PKNOX2: variants seen among roughly 807,000 people sequenced by gnomAD.
PKNOX2 encodes the protein PBX/knotted 1 homeobox 2.
Under a neutral mutation model 53.1 loss-of-function variants are expected in PKNOX2, and 14 were observed. That is an observed-to-expected ratio of 0.26 (90% CI 0.17 to 0.41). The LOEUF (loss-of-function observed/expected upper bound fraction) is 0.41, where lower values mean the gene tolerates loss of function less well. Ranked by LOEUF, PKNOX2 falls within the 10% of genes least tolerant of loss-of-function variation. The pLI is 1.00. For synonymous variants in PKNOX2, 257 were observed against 242.8 expected (o/e 1.06, Z -0.54); for missense variants, 496 against 602.8 (o/e 0.82, Z 1.85).
At position 125,410,302 on chromosome 11, in the gene PKNOX2, C is replaced by T; in HGVS notation, c.695C>T (p.Thr232Ile). 6.2e-7 allele frequency: 1 copy of T among 1,614,084 alleles called. No individual in the cohort carries two copies. The highest frequency in any genetic ancestry group is 1.6e-4 in the Middle Eastern group (1 of 6,062). The change falls in exon 8 of 13, where the codon ACC becomes ATC. Residue 232 changes from threonine (T) to isoleucine (I), a missense_variant. Around this residue, in one of 5 missense-constraint regions of PKNOX2, gnomAD observed 141 missense variants for 143.9 expected, o/e 0.98. Transcript: ENST00000298282. ...ALQQGNIAMT[T>I]VNSQVVSGGA... is the part of the protein sequence containing the mutation. ...CAGCAGGGCAACATCGCCATGACAA[C>T]CGTCAACTCACAAGTTGTGTCAGGT...
chr11:125,412,269 T>A (rs1955607709), intron 10 of PKNOX2, among the ~76,000 whole-genome samples: 1 of 152,132 alleles, frequency 6.6e-6, no homozygotes, highest in Admixed American at 6.5e-5. Flanking sequence ...CATGGAAGAA[T>A]GTGTTGACTC....
intron 1 of PKNOX2, among the ~76,000 whole-genome samples, chr11:125,204,992 C>T (rs1055214545): frequency 6.6e-6 from 1 of 152,246 alleles, no homozygotes; most frequent in Admixed American, 6.5e-5. Context: ...GCATTGCGCA[C>T]AGTGGTTGTT....
intron 4 of PKNOX2, among the ~76,000 whole-genome samples, chr11:125,364,132 C>T (rs114497274): frequency 0.012 from 1,877 of 152,340 alleles, 52 homozygotes; most frequent in African/African-American, 0.042. Context: ...CTATCCCCAT[C>T]CTCCTGGCCC....
intron 1 of PKNOX2, among the ~76,000 whole-genome samples, chr11:125,213,864 C>T (rs1412684971): frequency 6.6e-6 from 1 of 152,034 alleles, no homozygotes; most frequent in Non-Finnish European, 1.5e-5. Flanking sequence ...AGGAAAAAAG[C>T]CCCAAACCAC....
chr11:125,308,313 C>T (rs1948592986), intron 2 of PKNOX2, among the ~76,000 whole-genome samples: 1 of 152,184 alleles, frequency 6.6e-6, no homozygotes, highest in Non-Finnish European at 1.5e-5. Context: ...TGCCTCGGAG[C>T]TCAGGAGGAA....
chr11:125,369,274 C>T (rs547075191), intron 5 of PKNOX2, among the ~76,000 whole-genome samples: 1 of 152,356 alleles, frequency 6.6e-6, no homozygotes, highest in South Asian at 2.1e-4. Context: ...CTGTGCCCTG[C>T]CCTGTGAAAC....
At chr11:125,358,953 C>A (rs1951768781) in intron 4 of PKNOX2, among the ~76,000 whole-genome samples, 1 of 152,164 alleles carries the variant, frequency 6.6e-6, no homozygotes, top group Non-Finnish European at 1.5e-5. Context: ...GGCAGGAGTC[C>A]AGTCTTCTGC....
chr11:125,174,210 AG>A (rs1955533467), intron 1 of PKNOX2, among the ~76,000 whole-genome samples: 1 of 152,148 alleles, frequency 6.6e-6, no homozygotes, highest in Non-Finnish European at 1.5e-5. Context: ...CCCCGGGCCC[AG>A]GGGCGACAGG....
chr11:125,188,181 G>A (rs1170429751), intron 1 of PKNOX2: 1 of 152,184 alleles, frequency 6.6e-6, no homozygotes, highest in Non-Finnish European at 1.5e-5. Flanking sequence ...AGGAAGTTAG[G>A]TGTATGTGGT....
rs76532514 is a variant in PKNOX2, at chr11:125,358,685, C to T, written c.87+7293C>T. ...CCTCTTTGAGCTACACTGGGCTGTC[C>T]GGCTCTGATGCCGGCCCTTCCTCTC... On this transcript the variant is annotated intron_variant, in intron 4 of 12. Transcript: ENST00000298282. Among the ~76,000 whole-genome samples the T allele has an allele frequency of 4.6e-5, 7 of 152,340 alleles. No individual in the cohort carries two copies. The East Asian group carries it at 5.8e-4, about 13-fold the overall frequency.
chr11:125,214,322 C>T (rs1940226855), intron 1 of PKNOX2, among the ~76,000 whole-genome samples: 1 of 152,006 alleles, frequency 6.6e-6, no homozygotes, highest in African/African-American at 2.4e-5. Context: ...CTGGCATTTC[C>T]TCTTCTGATT....
At chr11:125,235,773 T>C (rs1942624991) in intron 2 of PKNOX2, among the ~76,000 whole-genome samples, 1 of 152,196 alleles carries the variant, frequency 6.6e-6, no homozygotes, top group Admixed American at 6.5e-5. Context: ...TCACACACGC[T>C]GCCCCTGCCT....
intron 3 of PKNOX2, among the ~76,000 whole-genome samples, chr11:125,341,049 CA>C (rs58556639): frequency 0.018 from 824 of 46,064 alleles, 6 homozygotes; most frequent in South Asian, 0.051. Context: ...GACTCCATCT[CA>C]AAAAAAAAAA....
intron 3 of PKNOX2, among the ~76,000 whole-genome samples, chr11:125,340,552 G>C (rs1950629113): frequency 6.6e-6 from 1 of 152,210 alleles, no homozygotes; most frequent in East Asian, 1.9e-4. Flanking sequence ...TTAAGGAAAA[G>C]AGACCAGGTG....
chr11:125,366,614 C>T (rs912027919), intron 4 of PKNOX2, among the ~76,000 whole-genome samples: 1 of 152,078 alleles, frequency 6.6e-6, no homozygotes. Flanking sequence ...GGCAGAGGGG[C>T]TGTATGGTAC....
chr11:125,270,344 T>G (rs1290422649), intron 2 of PKNOX2, among the ~76,000 whole-genome samples: 1 of 152,238 alleles, frequency 6.6e-6, no homozygotes, highest in Non-Finnish European at 1.5e-5. Flanking sequence ...TTTGGGAGAC[T>G]GCAGGTCCTG....
At chr11:125,204,461 G>A (rs761208450) in intron 1 of PKNOX2, among the ~76,000 whole-genome samples, 1 of 152,174 alleles carries the variant, frequency 6.6e-6, no homozygotes, top group African/African-American at 2.4e-5. Context: ...GGATTTAGCA[G>A]TGCTGTGCTC....
intron 2 of PKNOX2, among the ~76,000 whole-genome samples, chr11:125,311,848 T>A (rs533554736): frequency 5.1e-4 from 78 of 152,312 alleles, no homozygotes; most frequent in African/African-American, 8.2e-4. Flanking sequence ...AAACATTTTT[T>A]AAAAAATTTT....
intron 10 of PKNOX2, among the ~76,000 whole-genome samples, chr11:125,421,719 G>A (rs1956183193): frequency 6.6e-6 from 1 of 152,220 alleles, no homozygotes; most frequent in African/African-American, 2.4e-5. Context: ...GGCCTTGCAG[G>A]CCGGCATGTC....
Sources: gnomAD v4.1 joint callset for allele counts (sites outside exome capture counted in the v4.1 genomes callset) on GRCh38, gnomAD v4.1.1 for gene constraint, gnomAD v4.1.1 regional missense constraint, MANE v1.5 for transcripts, NCBI Gene and HGNC (gene_info 2026-07-23, HGNC 2026-07-21) for gene names.